Variants in ACVR1C observed in about 807,000 individuals in gnomAD.
ACVR1C encodes the protein activin A receptor type 1C.
ACVR1C carries 23 observed loss-of-function variants against 57.9 expected under a neutral mutation model. The observed-to-expected ratio is 0.40, with a 90% confidence interval of 0.29 to 0.56. The LOEUF is 0.56. ACVR1C is among the 20% of genes least tolerant of loss of function. ACVR1C has a pLI of 0.50. For missense variants in ACVR1C, 480 were observed against 607.9 expected (o/e 0.79, Z 2.21); for synonymous variants, 214 against 215.3 (o/e 0.99, Z 0.05).
chr2:157,556,293 G>T lies in ACVR1C; in HGVS notation c.344C>A (p.Ala115Asp). The change falls in exon 3 of 9, where the codon GCC (alanine) becomes GAC (aspartate). Residue 115 changes from alanine (A) to aspartate (D), a missense_variant. By Grantham distance (126) the Ala-to-Asp change is moderately radical (BLOSUM62 -2). Transcript: ENST00000243349. Reference protein sequence around the residue: ...NAPKLGPMELAIIITVPVCLL... With the variant: ...NAPKLGPMELDIIITVPVCLL... ...GCAAACAGGCACAGTAATAATGATG[G>T]CCAGCTCCATGGGTCCAAGTTTTGG... The T allele has an allele frequency of 1.2e-6, 2 of 1,614,162 alleles. No homozygotes were observed. Among genetic ancestry groups the T allele is most frequent in the Non-Finnish European group, 1.7e-6 (2 of 1,180,036 alleles).
At position 157,531,248 on chromosome 2, in the gene ACVR1C, G is replaced by C. The variant is rs1034903833; in HGVS notation, c.*2670C>G. On this transcript the variant is annotated 3_prime_UTR_variant, in exon 9 of 9. Coordinates refer to ENST00000243349, the MANE Select transcript of ACVR1C (RefSeq NM_145259.3). Reference sequence around the variant, plus strand: ...TGTTCTATATATAATCCTGTTAAGAGTAAAGGAAATATTACAACTTTTAAC... The same window carrying C: ...TGTTCTATATATAATCCTGTTAAGACTAAAGGAAATATTACAACTTTTAAC... The C allele has an allele frequency of 6.6e-6, 1 of 151,878 alleles. No individual in the cohort carries two copies. 9.4% of individuals were successfully genotyped at this position (151,878 alleles called of 1,614,324 possible).
At chr2:157,567,966 G>A (rs1688436564) in intron 2 of ACVR1C, among the ~76,000 whole-genome samples, 1 of 116,992 alleles carries the variant, frequency 8.5e-6, no homozygotes, top group Non-Finnish European at 1.8e-5. Context: ...CAGCCAGAGA[G>A]AAAGGTCGGG....
intron 5 of ACVR1C, 113 bp from the exon 6 acceptor site, chr2:157,542,975 A>G: frequency 9.4e-7 from 1 of 1,068,456 alleles, no homozygotes; most frequent in Non-Finnish European, 1.3e-6. Context: ...TTTTCTTCAA[A>G]GCTCTTGTCA....
intron 8 of ACVR1C, among the ~76,000 whole-genome samples, chr2:157,537,312 C>T (rs1573901703): frequency 6.6e-6 from 1 of 151,838 alleles, no homozygotes; most frequent in Non-Finnish European, 1.5e-5. Flanking sequence ...ATTTTTCAAA[C>T]CTGGTAGTGG....
chr2:157,617,772 T>C (rs1432083021), intron 1 of ACVR1C, among the ~76,000 whole-genome samples: 1 of 151,928 alleles, frequency 6.6e-6, no homozygotes, highest in Non-Finnish European at 1.5e-5. Context: ...GAAGGATGGA[T>C]AAATGGATAT....
Position 157,628,813 on chromosome 2 carries a change from C to A in ACVR1C, c.-169G>T. 2.3e-6 allele frequency: 1 copy of A among 433,390 alleles called. No individual in the cohort carries two copies. The highest frequency in any genetic ancestry group is 6.7e-5 in the South Asian group (1 of 14,830). The allele number at this position is 433,390 out of a possible 1,614,324, so 26.8% of individuals were successfully genotyped here. On this transcript the variant is annotated 5_prime_UTR_variant, in exon 1 of 9. Transcript: ENST00000243349. ...CAGTGTGGGCGCCCCCCTCCCCGGC[C>A]GCCCCCATCCCACGCCCCCTGCGGC...
At chr2:157,628,418 T>C (rs1025831696) in intron 1 of ACVR1C, among the ~76,000 whole-genome samples, 154 bp downstream of exon 1, 1 of 152,050 alleles carries the variant, frequency 6.6e-6, no homozygotes, top group African/African-American at 2.4e-5. Flanking sequence ...CGCTGCACCC[T>C]ATCCCGCGCC....
At chr2:157,565,194 T>C (rs745976192) in intron 2 of ACVR1C, among the ~76,000 whole-genome samples, 1 of 152,174 alleles carries the variant, frequency 6.6e-6, no homozygotes, top group East Asian at 1.9e-4. Flanking sequence ...AGATATTCCA[T>C]TCATGATGAA....
At chr2:157,581,838 C>T (rs926973421) in intron 2 of ACVR1C, among the ~76,000 whole-genome samples, 4 of 152,218 alleles carry the variant, frequency 2.6e-5, no homozygotes, top group Non-Finnish European at 5.9e-5. Context: ...AAATATCACA[C>T]TGTCTACTTT....
chr2:157,554,252 AAAGAAAGAAAGAAAGAAAGG>A (rs1180389212), intron 3 of ACVR1C, among the ~76,000 whole-genome samples: 9 of 130,826 alleles, frequency 6.9e-5, no homozygotes, highest in East Asian at 4.0e-4. Context: ...AGAAAGAAAG[AAAGAAAGAAAGAAAGAAAGG>A]AAGGAAGGAA....
At chr2:157,619,731 C>A (rs146659006) in intron 1 of ACVR1C, among the ~76,000 whole-genome samples, 1 of 151,530 alleles carries the variant, frequency 6.6e-6, no homozygotes, top group Admixed American at 6.6e-5. Context: ...CTAAAGAAAG[C>A]GGATGAAGAA....
intron 5 of ACVR1C, 150 bp from the exon 6 acceptor site, chr2:157,543,012 G>A: frequency 1.4e-6 from 1 of 738,386 alleles, no homozygotes; most frequent in Non-Finnish European, 2.2e-6. Context: ...GTTTATTTAT[G>A]TACATGCTGA....
At chr2:157,576,361 A>G (rs1656267341) in intron 2 of ACVR1C, among the ~76,000 whole-genome samples, 1 of 151,874 alleles carries the variant, frequency 6.6e-6, no homozygotes, top group Non-Finnish European at 1.5e-5. Context: ...ATGAGCCACC[A>G]TGCCCCGCTA....
intron 4 of ACVR1C, among the ~76,000 whole-genome samples, chr2:157,544,964 T>C (rs916582344): frequency 5.9e-5 from 9 of 152,062 alleles, no homozygotes; most frequent in African/African-American, 2.2e-4. Context: ...TCAGTGTGTG[T>C]TATAAACTAC....
At chr2:157,550,013 A>C in intron 4 of ACVR1C, 149 bp downstream of exon 4, 1 of 755,584 alleles carries the variant, frequency 1.3e-6, no homozygotes, top group South Asian at 2.0e-5. Context: ...AAAAAAAAAA[A>C]AAAAGAAAGA....
intron 1 of ACVR1C, among the ~76,000 whole-genome samples, chr2:157,618,204 A>G (rs1378112995): frequency 6.6e-6 from 1 of 151,882 alleles, no homozygotes; most frequent in Non-Finnish European, 1.5e-5. Flanking sequence ...TATGAGATTA[A>G]TAGCACAAAA....
chr2:157,550,029 AAAAGG>A, intron 4 of ACVR1C, 128 bp downstream of exon 4: 1 of 799,828 alleles, frequency 1.3e-6, no homozygotes, highest in Non-Finnish European at 1.9e-6. Flanking sequence ...AAAGAAAAGG[AAAAGG>A]AAAAAAAAAA....
intron 2 of ACVR1C, among the ~76,000 whole-genome samples, chr2:157,576,892 G>A (rs1688671470): frequency 2.9e-5 from 1 of 34,426 alleles, no homozygotes; most frequent in South Asian, 5.5e-4. Context: ...CTGTCGCCCA[G>A]GCCGGACTGC....
chr2:157,598,123 C>A lies in ACVR1C; in HGVS notation c.74-10706G>T, dbSNP rs554472543. ...TTACCAGATTTGGAAATTTCACTGACCAGTAAAATTTCAAAAATAATTTGG... is the reference window on the plus strand; with the variant it reads ...TTACCAGATTTGGAAATTTCACTGAACAGTAAAATTTCAAAAATAATTTGG... On this transcript the variant is annotated intron_variant, in intron 1 of 8. Coordinates refer to ENST00000243349, the MANE Select transcript of ACVR1C (RefSeq NM_145259.3). Among the ~76,000 whole-genome samples, 3 of 150,266 alleles carry A rather than the reference C, an allele frequency of 2.0e-5. No individual in the cohort carries two copies. In the East Asian group the frequency reaches 5.8e-4, roughly 29 times the overall value.
Sources: gnomAD v4.1 joint callset for allele counts (sites outside exome capture counted in the v4.1 genomes callset) on GRCh38, gnomAD v4.1.1 for gene constraint, MANE v1.5 for transcripts, NCBI Gene and HGNC (gene_info 2026-07-23, HGNC 2026-07-21) for gene names.